The following NPHP1 variants were observed in gnomAD, a reference collection of about 807,000 sequenced individuals.
The protein encoded by NPHP1 is nephrocystin-1.
NPHP1 carries 70 observed loss-of-function variants against 90.4 expected under a neutral mutation model. The ratio of observed to expected loss-of-function variants is 0.77; its 90% CI spans 0.64 to 0.95. NPHP1 has a LOEUF of 0.95. NPHP1 is among the 40% of genes least tolerant of loss of function. The pLI is 0.00. For missense variants in NPHP1, 764 were observed against 795.9 expected (o/e 0.96, Z 0.48); for synonymous variants, 256 against 271.7 (o/e 0.94, Z 0.57).
At chr2:110,155,951 A>G (rs1681856139) in intron 11 of NPHP1, among the ~76,000 whole-genome samples, 1 of 152,026 alleles carries the variant, frequency 6.6e-6, no homozygotes, top group African/African-American at 2.4e-5. Context: ...GGACTAGGGG[A>G]GGAATGATAT....
intron 13 of NPHP1, 79 bp from the exon 14 acceptor site, chr2:110,146,914 G>T: frequency 1.0e-6 from 1 of 991,614 alleles, no homozygotes. Context: ...CCTTTTAAAG[G>T]AACAAAATTA....
intron 9 of NPHP1, among the ~76,000 whole-genome samples, chr2:110,162,459 C>G (rs1400871163): frequency 1.3e-5 from 2 of 152,062 alleles, no homozygotes; most frequent in Non-Finnish European, 2.9e-5. Context: ...AAGGCATCCT[C>G]AAAGCAGCCC....
intron 2 of NPHP1, chr2:110,185,127 C>T (rs1684196211): frequency 6.9e-6 from 4 of 579,382 alleles, no homozygotes; most frequent in East Asian, 4.7e-5. Context: ...TGTGGGTCTC[C>T]AAGAAGGAAT....
chr2:110,184,203 G>A (rs916806613), intron 2 of NPHP1: 6 of 568,074 alleles, frequency 1.1e-5, no homozygotes, highest in Non-Finnish European at 2.1e-5. Context: ...TATCATGGCA[G>A]GAGCCCTTGA....
At chr2:110,178,310 T>C (rs956223334) in intron 4 of NPHP1, 113 bp downstream of exon 4, 6 of 1,006,120 alleles carry the variant, frequency 6.0e-6, no homozygotes, top group South Asian at 5.3e-5. Context: ...ACTGATTCTA[T>C]TGTTAGTGTC....
rs1681075899 is a variant in NPHP1 at position 110,146,714 on chromosome 2, C to T, written c.1352+39G>A. Reference sequence around the variant, plus strand: ...CAAGAGTCTAAAAAATGAATTTTTACAGAAGTATTCATTCGTTAGGAATAT... The same window carrying T: ...CAAGAGTCTAAAAAATGAATTTTTATAGAAGTATTCATTCGTTAGGAATAT... On this transcript the variant is annotated intron_variant, in intron 14 of 19. Coordinates refer to ENST00000445609, the MANE Select transcript of NPHP1 (RefSeq NM_001128178.3). The T allele has an allele frequency of 5.7e-6, 8 of 1,412,282 alleles. No homozygotes were observed. The Admixed American group carries it at 8.4e-5, about 15-fold the overall frequency. 87.5% of individuals were successfully genotyped at this position (1,412,282 alleles called of 1,614,324 possible). A position where few individuals can be genotyped will look rare whatever the true frequency, so the allele number is the denominator to read the frequency against.
chr2:110,202,670 T>C (rs1685646901), intron 1 of NPHP1, among the ~76,000 whole-genome samples: 1 of 152,128 alleles, frequency 6.6e-6, no homozygotes, highest in Admixed American at 6.6e-5. Context: ...AAATTTAAAA[T>C]TAACTCATCA....
At chr2:110,174,698 C>T (rs75567547) in intron 4 of NPHP1, among the ~76,000 whole-genome samples, 265 of 152,038 alleles carry the variant, frequency 1.7e-3, no homozygotes, top group East Asian at 0.014. Context: ...AGTTGTCTGG[C>T]GTACACATTC....
intron 2 of NPHP1, among the ~76,000 whole-genome samples, chr2:110,180,492 T>C (rs931835571): frequency 8.4e-6 from 1 of 118,774 alleles, no homozygotes; most frequent in Admixed American, 1.2e-4. Flanking sequence ...GTGAGTGAAA[T>C]GAAATAAGCA....
intron 2 of NPHP1, among the ~76,000 whole-genome samples, chr2:110,190,277 G>A (rs886272545): frequency 1.3e-5 from 2 of 152,190 alleles, no homozygotes; most frequent in African/African-American, 4.8e-5. Context: ...GCACTGTGGA[G>A]CAGGGGGTGG....
chr2:110,132,026 C>T (rs1277397203), intron 16 of NPHP1, among the ~76,000 whole-genome samples: 1 of 152,094 alleles, frequency 6.6e-6, no homozygotes, highest in East Asian at 1.9e-4. Context: ...TTTGTGCTTC[C>T]ATGTTAGCAT....
At chr2:110,167,120 G>A (rs1682778053) in intron 6 of NPHP1, among the ~76,000 whole-genome samples, 1 of 152,018 alleles carries the variant, frequency 6.6e-6, no homozygotes, top group Admixed American at 6.6e-5. Flanking sequence ...TGTGTGTAAT[G>A]AAAAACATGT....
At chr2:110,203,346 C>T (rs940693267) in intron 1 of NPHP1, among the ~76,000 whole-genome samples, 1 of 152,042 alleles carries the variant, frequency 6.6e-6, no homozygotes, top group Non-Finnish European at 1.5e-5. Flanking sequence ...ATCTGTACCC[C>T]AAACCTCAGC....
chr2:110,164,964 A>G (rs1454788241), intron 7 of NPHP1, 88 bp downstream of exon 7: 1 of 1,098,286 alleles, frequency 9.1e-7, no homozygotes, highest in Non-Finnish European at 1.4e-6. Flanking sequence ...TCTCCATTTC[A>G]AGAAAGTATT....
At chr2:110,150,083 G>A (rs1198360647) in intron 12 of NPHP1, 99 bp downstream of exon 12, 1 of 983,154 alleles carries the variant, frequency 1.0e-6, no homozygotes, top group African/African-American at 1.6e-5. Context: ...AGAATCTAAA[G>A]ATTTATATCT....
Position 110,129,869 on chromosome 2 carries a change from T to A in NPHP1, c.1643-610A>T, listed in dbSNP as rs138741638. Among the ~76,000 whole-genome samples the A allele has an allele frequency of 6.6e-5, 10 of 152,292 alleles. 1 individual carries two copies. In the South Asian group the frequency reaches 2.1e-3, roughly 32 times the overall value. On this transcript the variant is annotated intron_variant, in intron 17 of 19. Coordinates refer to ENST00000445609, the MANE Select transcript of NPHP1 (RefSeq NM_001128178.3). The stretch of plus-strand genomic sequence containing the variant: ...TGAAAAATCTGTGCAAAGAAGCACA[T>A]CAGGAAAGACATGTCTTAGTCTGTT...
At chr2:110,190,865 G>GA (rs962694923) in intron 2 of NPHP1, among the ~76,000 whole-genome samples, 7 of 150,746 alleles carry the variant, frequency 4.6e-5, no homozygotes, top group Non-Finnish European at 7.4e-5. Flanking sequence ...AAATTTATAA[G>GA]AAAAAAAAAC....
chr2:110,162,297 G>A (rs1682401922), intron 9 of NPHP1, among the ~76,000 whole-genome samples: 1 of 152,168 alleles, frequency 6.6e-6, no homozygotes, highest in Non-Finnish European at 1.5e-5. Context: ...ATTATTAGGG[G>A]ACATAGAGCT....
chr2:110,178,659 G>T, intron 3 of NPHP1, 112 bp from the exon 4 acceptor site: 1 of 863,960 alleles, frequency 1.2e-6, no homozygotes, highest in Non-Finnish European at 1.8e-6. Flanking sequence ...ATATCAGTGT[G>T]ACATTACACC....
Sources: gnomAD v4.1 joint callset for allele counts (sites outside exome capture counted in the v4.1 genomes callset) on GRCh38, gnomAD v4.1.1 for gene constraint, MANE v1.5 for transcripts, NCBI Gene and HGNC (gene_info 2026-07-23, HGNC 2026-07-21) for gene names.